FBXO15: variants seen among roughly 807,000 people sequenced by gnomAD.
FBXO15 encodes F-box only protein 15.
Under a neutral mutation model 49.5 loss-of-function variants are expected in FBXO15, and 30 were observed. The ratio of observed to expected loss-of-function variants is 0.61; its 90% confidence interval spans 0.45 to 0.82. The LOEUF (loss-of-function observed/expected upper bound fraction) is 0.82, where lower values mean the gene tolerates loss of function less well. Ranked by LOEUF, FBXO15 falls within the 40% of genes least tolerant of loss-of-function variation. The probability of loss-of-function intolerance (pLI) is 0.00; values close to 1 mark genes in which losing one functional copy is unlikely to be tolerated. For missense variants in FBXO15, 591 were observed against 631.5 expected (o/e 0.94, Z 0.69); for synonymous variants, 250 against 232.7 (o/e 1.07, Z -0.68).
At chr18:74,093,976 TA>T (rs994315063) in intron 8 of FBXO15, among the ~76,000 whole-genome samples, 8 of 152,316 alleles carry the variant, frequency 5.3e-5, no homozygotes, top group African/African-American at 1.9e-4. Flanking sequence ...TACAGACTTA[TA>T]AAATGTATTG....
chr18:74,129,356 T>C, intron 5 of FBXO15, 49 bp downstream of exon 5: 1 of 1,496,832 alleles, frequency 6.7e-7, no homozygotes, highest in South Asian at 1.2e-5. Context: ...CCAACTAATA[T>C]TTACATATAA....
intron 8 of FBXO15, among the ~76,000 whole-genome samples, chr18:74,120,399 C>T (rs189030493): frequency 6.6e-6 from 1 of 152,122 alleles, no homozygotes; most frequent in Admixed American, 6.5e-5. Flanking sequence ...GGAACATATA[C>T]CAAAATAGAT....
intron 5 of FBXO15, 44 bp downstream of exon 5, chr18:74,129,361 A>C (rs1172593093): frequency 3.9e-6 from 6 of 1,526,954 alleles, no homozygotes; most frequent in Non-Finnish European, 5.4e-6. Flanking sequence ...TAATATTTAC[A>C]TATAAGATGC....
At chr18:74,131,233 T>C (rs963863323) in intron 3 of FBXO15, among the ~76,000 whole-genome samples, 4 of 152,214 alleles carry the variant, frequency 2.6e-5, no homozygotes, top group Non-Finnish European at 5.9e-5. Flanking sequence ...TTACTATGTG[T>C]CAAGCATCGT....
chr18:74,130,008 T>A (rs1222913093), intron 4 of FBXO15, among the ~76,000 whole-genome samples: 1 of 152,208 alleles, frequency 6.6e-6, no homozygotes, highest in Non-Finnish European at 1.5e-5. Context: ...GATACCAAAA[T>A]CTGTGGACGT....
At chr18:74,131,389 T>A (rs1398361189) in intron 3 of FBXO15, among the ~76,000 whole-genome samples, 2 of 152,104 alleles carry the variant, frequency 1.3e-5, no homozygotes, top group Admixed American at 1.3e-4. Context: ...CTCAAGTGTA[T>A]AGTGAAGCTG....
chr18:74,090,985 G>C (rs983475099), intron 8 of FBXO15, among the ~76,000 whole-genome samples: 4 of 152,120 alleles, frequency 2.6e-5, no homozygotes, highest in African/African-American at 7.2e-5. Context: ...AATACTGTTA[G>C]TGGGGTACTA....
intron 8 of FBXO15, among the ~76,000 whole-genome samples, chr18:74,112,332 A>G (rs1293769463): frequency 6.6e-6 from 1 of 152,236 alleles, no homozygotes; most frequent in Non-Finnish European, 1.5e-5. Flanking sequence ...AAATAATTGT[A>G]TATTGTGATC....
At chr18:74,126,531 A>G (rs919053192) in intron 5 of FBXO15, among the ~76,000 whole-genome samples, 1 of 152,256 alleles carries the variant, frequency 6.6e-6, no homozygotes, top group Non-Finnish European at 1.5e-5. Flanking sequence ...GGGTGGTCTC[A>G]GGAGATGGCT....
chr18:74,112,625 A>G (rs1914078457), intron 8 of FBXO15, among the ~76,000 whole-genome samples: 1 of 152,252 alleles, frequency 6.6e-6, no homozygotes, highest in Non-Finnish European at 1.5e-5. Context: ...TCCTCTCATC[A>G]GTGCTTTTCC....
chr18:74,093,359 A>G (rs73474849), intron 8 of FBXO15, among the ~76,000 whole-genome samples: 5,999 of 152,028 alleles, frequency 0.039, 393 homozygotes, highest in African/African-American at 0.13. Context: ...CGTGTCAGCG[A>G]GGGCCACTCT....
intron 8 of FBXO15, among the ~76,000 whole-genome samples, chr18:74,093,103 A>G (rs2145129333): frequency 6.6e-6 from 1 of 152,288 alleles, no homozygotes; most frequent in Admixed American, 6.5e-5. Flanking sequence ...GCTGTTGTCC[A>G]TGCACATGTT....
intron 3 of FBXO15, among the ~76,000 whole-genome samples, chr18:74,133,171 C>G (rs1978503842): frequency 6.6e-6 from 1 of 152,110 alleles, no homozygotes; most frequent in African/African-American, 2.4e-5. Flanking sequence ...TTTAACAGGA[C>G]CTAAAAAGTG....
chr18:74,111,499 A>G (rs1226422300), intron 8 of FBXO15, among the ~76,000 whole-genome samples: 1 of 152,058 alleles, frequency 6.6e-6, no homozygotes, highest in African/African-American at 2.4e-5. Flanking sequence ...GAATGAAAAC[A>G]CAACTTCACA....
chr18:74,081,595 GT>G (rs949061907), intron 9 of FBXO15, among the ~76,000 whole-genome samples: 3 of 152,184 alleles, frequency 2.0e-5, no homozygotes, highest in Non-Finnish European at 4.4e-5. Flanking sequence ...CCAACCTTCA[GT>G]TCCACTCTCT....
At chr18:74,146,712 C>T (rs1481070306) in intron 1 of FBXO15, among the ~76,000 whole-genome samples, 2 of 152,074 alleles carry the variant, frequency 1.3e-5, no homozygotes, top group African/African-American at 4.8e-5. Context: ...GGCTGGGCTT[C>T]TGAAAACAGG....
chr18:74,113,713 T>A (rs1290439425), intron 8 of FBXO15, among the ~76,000 whole-genome samples: 1 of 152,238 alleles, frequency 6.6e-6, no homozygotes, highest in Non-Finnish European at 1.5e-5. Flanking sequence ...ATAAAAATAC[T>A]ACAACATACT....
intron 7 of FBXO15, 103 bp downstream of exon 7, chr18:74,124,386 A>G: frequency 1.1e-6 from 1 of 944,236 alleles, no homozygotes; most frequent in Admixed American, 2.2e-5. Context: ...GATTAAAAAC[A>G]GAATATCTCT....
intron 8 of FBXO15, among the ~76,000 whole-genome samples, chr18:74,103,006 T>C (rs1042572502): frequency 6.6e-6 from 1 of 152,074 alleles, no homozygotes; most frequent in African/African-American, 2.4e-5. Context: ...GTTCATTGTA[T>C]ACTGCTGAGG....
Sources: gnomAD v4.1 joint callset for allele counts (sites outside exome capture counted in the v4.1 genomes callset) on GRCh38, gnomAD v4.1.1 for gene constraint, MANE v1.5 for transcripts, NCBI Gene and HGNC (gene_info 2026-07-23, HGNC 2026-07-21) for gene names.